The following THNSL1 variants were observed in gnomAD, a reference collection of about 807,000 sequenced individuals.
The protein encoded by THNSL1 is threonine synthase-like 1.
THNSL1 carries 48 observed loss-of-function variants against 50.4 expected under a neutral mutation model. That is an observed-to-expected ratio of 0.95 (90% CI 0.76 to 1.21). The LOEUF is 1.21. Among genes scored for constraint, THNSL1 ranks in the 50% most tolerant of loss-of-function variants. The pLI is 0.00. For missense variants in THNSL1, 896 were observed against 871.7 expected (o/e 1.03, Z -0.35); for synonymous variants, 309 against 306.1 (o/e 1.01, Z -0.10).
At chr10:25,021,258 C>T (rs754547883) in intron 1 of THNSL1, among the ~76,000 whole-genome samples, 4 of 152,100 alleles carry the variant, frequency 2.6e-5, no homozygotes, top group Non-Finnish European at 5.9e-5. Context: ...ATTATAGACA[C>T]TTATATAGCT....
At chr10:24,954,756 A>G in the THNSL1 span, among the ~76,000 whole-genome samples, 5 of 152,186 alleles carry the variant, frequency 3.3e-5, no homozygotes, top group Admixed American at 2.0e-4. Context: ...GTATATTTTG[A>G]TAATACTTTG....
At chr10:25,007,482 TG>T in the THNSL1 span, among the ~76,000 whole-genome samples, 1 of 152,206 alleles carries the variant, frequency 6.6e-6, no homozygotes, top group African/African-American at 2.4e-5. Context: ...TCACCCAGGC[TG>T]GAGTGCAGAG....
At chr10:25,006,542 C>T in the THNSL1 span, among the ~76,000 whole-genome samples, 2 of 152,114 alleles carry the variant, frequency 1.3e-5, no homozygotes, top group African/African-American at 2.4e-5. Context: ...TTTAAGCAAA[C>T]GTGCATGATT....
upstream of THNSL1, chr10:25,015,901 G>A (rs1372138934): frequency 3.1e-6 from 5 of 1,608,124 alleles, no homozygotes; most frequent in Non-Finnish European, 4.2e-6. Context: ...TGGGTATGAG[G>A]TTATAAATGC....
the THNSL1 span, among the ~76,000 whole-genome samples, chr10:24,962,226 A>G: frequency 6.6e-6 from 1 of 152,220 alleles, no homozygotes; most frequent in Non-Finnish European, 1.5e-5. Context: ...ATGTTATATC[A>G]TATATTTATA....
intron 1 of THNSL1, among the ~76,000 whole-genome samples, chr10:25,021,017 A>G (rs1850708350): frequency 6.6e-6 from 1 of 152,200 alleles, no homozygotes; most frequent in African/African-American, 2.4e-5. Context: ...TCCCTGGTTT[A>G]CTTCAGGGAA....
chr10:24,963,355 C>T, the THNSL1 span, among the ~76,000 whole-genome samples: 5 of 152,078 alleles, frequency 3.3e-5, no homozygotes, highest in Non-Finnish European at 5.9e-5. Flanking sequence ...TATTCTTTTT[C>T]GACATTTATT....
the THNSL1 span, chr10:24,984,080 C>T: frequency 2.9e-6 from 1 of 345,626 alleles, no homozygotes; most frequent in Non-Finnish European, 5.2e-6. Context: ...GGCTATTCTC[C>T]TTAATCATCC....
the THNSL1 span, among the ~76,000 whole-genome samples, chr10:24,967,658 ATGTGTGTATGATG>A: frequency 1.3e-5 from 2 of 151,572 alleles, no homozygotes; most frequent in South Asian, 2.1e-4. Flanking sequence ...GTGTGTGTAC[ATGTGTGTATGATG>A]TGTGTGTATG....
chr10:25,001,042 G>T, the THNSL1 span, among the ~76,000 whole-genome samples: 1 of 151,676 alleles, frequency 6.6e-6, no homozygotes, highest in Non-Finnish European at 1.5e-5. Context: ...TTTTCTGTGT[G>T]GTATAAAATC....
At chr10:24,953,015 C>T in the THNSL1 span, among the ~76,000 whole-genome samples, 1 of 152,084 alleles carries the variant, frequency 6.6e-6, no homozygotes, top group African/African-American at 2.4e-5. Flanking sequence ...TCCCAGCCCT[C>T]GGGCTAACAA....
chr10:24,952,514 G>A, the THNSL1 span: 1 of 1,582,648 alleles, frequency 6.3e-7, no homozygotes, highest in South Asian at 1.2e-5. This position sits in a 1 kb window ranked among gnomAD's most constrained non-coding sequence, Gnocchi z 5.1. Flanking sequence ...CCAAAATAGG[G>A]AGTTTGCATT....
At position 25,016,633 on chromosome 10, in the gene THNSL1, C is replaced by T. The variant is rs1441637495; in HGVS notation, c.-275C>T. 1 of 152,422 alleles carries T rather than the reference C, an allele frequency of 6.6e-6. No individual in the cohort carries two copies. The highest frequency in any genetic ancestry group is 2.4e-5 in the African/African-American group (1 of 41,464). The allele number at this position is 152,422 out of a possible 1,614,324, so 9.4% of individuals were successfully genotyped here. A position where few individuals can be genotyped will look rare whatever the true frequency, so the allele number is the denominator to read the frequency against. Reference sequence around the variant, plus strand: ...GGGCGTGGAGCGGAGGCACGCTGGCCGCCGCAGGCACAGGCGCAGAGTCCA... The same window carrying T: ...GGGCGTGGAGCGGAGGCACGCTGGCTGCCGCAGGCACAGGCGCAGAGTCCA... On this transcript the variant is annotated 5_prime_UTR_variant, in exon 1 of 3. Coordinates refer to ENST00000376356, the MANE Select transcript of THNSL1 (RefSeq NM_024838.5).
chr10:25,014,909 C>T (rs1850530399), upstream of THNSL1, among the ~76,000 whole-genome samples: 1 of 152,130 alleles, frequency 6.6e-6, no homozygotes, highest in Admixed American at 6.5e-5. Context: ...TAAAAGGGGC[C>T]TTGGATATTA....
chr10:24,974,846 A>G, the THNSL1 span, among the ~76,000 whole-genome samples: 2 of 152,224 alleles, frequency 1.3e-5, no homozygotes, highest in Non-Finnish European at 2.9e-5. Context: ...GGTACATTAC[A>G]AAAGAATTAC....
the THNSL1 span, among the ~76,000 whole-genome samples, chr10:24,960,151 C>T: frequency 6.6e-6 from 1 of 151,768 alleles, no homozygotes; most frequent in Non-Finnish European, 1.5e-5. Context: ...TGCGGCAATT[C>T]CCTTTTGTCT....
the THNSL1 span, chr10:24,995,592 C>T: frequency 7.0e-7 from 1 of 1,437,968 alleles, no homozygotes; most frequent in Non-Finnish European, 9.6e-7. Context: ...ATCATGAACA[C>T]CATATTTAAA....
chr10:24,996,546 A>T, the THNSL1 span, among the ~76,000 whole-genome samples: 16 of 152,078 alleles, frequency 1.1e-4, no homozygotes, highest in African/African-American at 3.9e-4. Context: ...CAGTTTGATC[A>T]TTCCCATTGA....
chr10:24,970,192 A>G, the THNSL1 span, among the ~76,000 whole-genome samples: 315 of 152,350 alleles, frequency 2.1e-3, 5 homozygotes, highest in African/African-American at 7.4e-3. Context: ...TTTTAGAAGT[A>G]TGGTAAGTAT....
Sources: gnomAD v4.1 joint callset for allele counts (sites outside exome capture counted in the v4.1 genomes callset) on GRCh38, gnomAD v4.1.1 for gene constraint, Gnocchi (gnomAD v3.1) non-coding constraint, MANE v1.5 for transcripts, NCBI Gene and HGNC (gene_info 2026-07-23, HGNC 2026-07-21) for gene names.